Variants in AOAH observed in about 807,000 individuals in gnomAD.
AOAH encodes the protein acyloxyacyl hydrolase (neutrophil).
In AOAH, 64 loss-of-function variants were observed where a neutral mutation model predicts 92.2. That is an observed-to-expected ratio of 0.69 (90% CI 0.57 to 0.86). The LOEUF (loss-of-function observed/expected upper bound fraction) is 0.86. Ranked by LOEUF, AOAH falls within the 40% of genes least tolerant of loss-of-function variation. The pLI, the probability that AOAH is intolerant of heterozygous loss-of-function variation, is 0.00. For missense variants in AOAH, 656 were observed against 694.6 expected (o/e 0.94, Z 0.62); for synonymous variants, 263 against 254.5 (o/e 1.03, Z -0.32).
intron 1 of AOAH, among the ~76,000 whole-genome samples, chr7:36,715,556 G>A (rs1194033807): frequency 2.0e-5 from 3 of 151,178 alleles, no homozygotes; most frequent in Non-Finnish European, 4.4e-5. Flanking sequence ...GAGGCATCAC[G>A]CTGCCTGACT....
chr7:36,690,298 A>T (rs146343146), intron 1 of AOAH: 2 of 376,880 alleles, frequency 5.3e-6, no homozygotes, highest in Non-Finnish European at 5.2e-6. Flanking sequence ...ATGATGATCA[A>T]AAGGACCCTG....
Position 36,530,529 on chromosome 7 carries a change from A to C in AOAH, c.1426-15T>G. The C allele has an allele frequency of 6.4e-7, 1 of 1,557,708 alleles. No individual in the cohort carries two copies. The highest frequency in any genetic ancestry group is 8.9e-7 in the Non-Finnish European group (1 of 1,129,922). On this transcript the variant is annotated splice_polypyrimidine_tract_variant and intron_variant, in intron 18 of 20. Transcript: ENST00000617537. ...TGCTCTGCTCTCTGAAGAGAGAGGA[A>C]ACAGGGAGAATTTCATGAAATCTAG... is the stretch of plus-strand genomic sequence containing the variant.
At chr7:36,670,401 C>A (rs922512732) in intron 3 of AOAH, among the ~76,000 whole-genome samples, 3 of 152,190 alleles carry the variant, frequency 2.0e-5, no homozygotes. Flanking sequence ...GACAGAACCA[C>A]GAAGGTGGGA....
chr7:36,538,628 T>C (rs576510282), intron 16 of AOAH, among the ~76,000 whole-genome samples: 2 of 152,306 alleles, frequency 1.3e-5, no homozygotes, highest in Non-Finnish European at 2.9e-5. Context: ...GGAGACACAT[T>C]TGGAAATCTG....
chr7:36,517,942 CACCCACACACACA>C (rs1783899589), intron 20 of AOAH, among the ~76,000 whole-genome samples: 2 of 32,370 alleles, frequency 6.2e-5, no homozygotes, highest in African/African-American at 7.3e-4. Context: ...CACACACACA[CACCCACACACACA>C]CACACACACA....
chr7:36,603,320 C>G (rs1202317971), intron 11 of AOAH, among the ~76,000 whole-genome samples: 1 of 152,172 alleles, frequency 6.6e-6, no homozygotes, highest in African/African-American at 2.4e-5. Flanking sequence ...CTACCCCTAT[C>G]CCCGCAGACC....
At chr7:36,552,456 A>G (rs1786337040) in intron 13 of AOAH, among the ~76,000 whole-genome samples, 1 of 152,214 alleles carries the variant, frequency 6.6e-6, no homozygotes, top group Non-Finnish European at 1.5e-5. Context: ...ATAGTGCTGC[A>G]ATGAACATAC....
intron 4 of AOAH, among the ~76,000 whole-genome samples, chr7:36,653,710 A>G (rs1794713170): frequency 6.6e-6 from 1 of 152,230 alleles, no homozygotes. Context: ...CACAGGGCTT[A>G]CATTCTGAAT....
chr7:36,647,215 G>A (rs1455635876), intron 4 of AOAH, among the ~76,000 whole-genome samples: 1 of 152,196 alleles, frequency 6.6e-6, no homozygotes, highest in Admixed American at 6.5e-5. Context: ...AAAATGGAGT[G>A]TGAAGAACGG....
intron 11 of AOAH, among the ~76,000 whole-genome samples, chr7:36,615,363 T>G (rs1476618635): frequency 6.6e-6 from 1 of 152,242 alleles, no homozygotes; most frequent in Non-Finnish European, 1.5e-5. Context: ...AAAAGTGCTT[T>G]ATATTTTAGC....
At chr7:36,698,908 T>C (rs1367154179) in intron 1 of AOAH, among the ~76,000 whole-genome samples, 1 of 152,124 alleles carries the variant, frequency 6.6e-6, no homozygotes, top group Non-Finnish European at 1.5e-5. Context: ...GTATTATTTC[T>C]TCTATCTAGG....
intron 12 of AOAH, among the ~76,000 whole-genome samples, chr7:36,586,934 C>CTGCATTCAGTCTGTTACGATG (rs1789374236): frequency 6.6e-6 from 1 of 152,036 alleles, no homozygotes; most frequent in Non-Finnish European, 1.5e-5. Context: ...TCATGTGCTT[C>CTGCATTCAGTCTGTTACGATG]TGCATTCAGT....
At chr7:36,562,687 T>C (rs963474439) in intron 13 of AOAH, among the ~76,000 whole-genome samples, 2 of 151,992 alleles carry the variant, frequency 1.3e-5, no homozygotes, top group Non-Finnish European at 2.9e-5. Context: ...CTTTACGGAG[T>C]TGGTTTCCAA....
chr7:36,520,998 C>T lies in AOAH; in HGVS notation c.1599+1041G>A, dbSNP rs139889252. Reference sequence around the variant, plus strand: ...ACTCATTTGTTGGGGAGTGAGCATCCTTCTATTCTTGTTCCTTTTGAGGTG... The same window carrying T: ...ACTCATTTGTTGGGGAGTGAGCATCTTTCTATTCTTGTTCCTTTTGAGGTG... On this transcript the variant is annotated intron_variant, in intron 20 of 20. Transcript: ENST00000617537. 2.2e-3 allele frequency among the ~76,000 whole-genome samples: 338 copies of T among 152,224 alleles called. 4 individuals are homozygous for T. Among genetic ancestry groups the T allele is most frequent in the African/African-American group, 7.6e-3 (314 of 41,548 alleles).
At chr7:36,580,952 T>C (rs1788888071) in intron 12 of AOAH, among the ~76,000 whole-genome samples, 1 of 152,206 alleles carries the variant, frequency 6.6e-6, no homozygotes, top group Admixed American at 6.5e-5. Context: ...TTCCGTAGGA[T>C]ACTCCTCTCC....
chr7:36,719,564 G>A (rs1182177191), intron 1 of AOAH, among the ~76,000 whole-genome samples: 1 of 152,098 alleles, frequency 6.6e-6, no homozygotes, highest in Non-Finnish European at 1.5e-5. Flanking sequence ...ACAAATCAAG[G>A]CAAGGATATC....
intron 4 of AOAH, among the ~76,000 whole-genome samples, chr7:36,639,330 T>C (rs1363740528): frequency 6.6e-6 from 1 of 152,182 alleles, no homozygotes; most frequent in African/African-American, 2.4e-5. Context: ...AGCAAAGAGC[T>C]CATTCCCCAC....
intron 3 of AOAH, among the ~76,000 whole-genome samples, chr7:36,662,007 C>T (rs1245526523): frequency 1.3e-5 from 2 of 152,178 alleles, no homozygotes; most frequent in Non-Finnish European, 2.9e-5. Flanking sequence ...ATCAAAATAT[C>T]CTTAAAAATC....
At chr7:36,713,981 C>T (rs975508823) in intron 1 of AOAH, among the ~76,000 whole-genome samples, 13 of 152,020 alleles carry the variant, frequency 8.6e-5, no homozygotes, top group Admixed American at 3.3e-4. Context: ...AAGATCGGAG[C>T]AGAACTGAAG....
Sources: gnomAD v4.1 joint callset for allele counts (sites outside exome capture counted in the v4.1 genomes callset) on GRCh38, gnomAD v4.1.1 for gene constraint, MANE v1.5 for transcripts, NCBI Gene and HGNC (gene_info 2026-07-23, HGNC 2026-07-21) for gene names.